CCDC85A: variants seen among roughly 807,000 people sequenced by gnomAD.
The protein encoded by CCDC85A is coiled-coil domain containing 85A, also known as coiled-coil domain-containing protein 85A.
In CCDC85A, 38 loss-of-function variants were observed where a neutral mutation model predicts 50.2. The ratio of observed to expected loss-of-function variants is 0.76; its 90% CI spans 0.58 to 0.99. The LOEUF is 0.99. Among genes scored for constraint, CCDC85A ranks in the 50% least tolerant of loss-of-function variants. The pLI is 0.00. For synonymous variants in CCDC85A, 366 were observed against 301.4 expected (o/e 1.21, Z -2.22); for missense variants, 820 against 742.0 (o/e 1.11, Z -1.22).
At chr2:56,264,980 G>T (rs888679474) in intron 2 of CCDC85A, among the ~76,000 whole-genome samples, 6 of 152,118 alleles carry the variant, frequency 3.9e-5, no homozygotes, top group Admixed American at 1.3e-4. Context: ...GACCTACTTG[G>T]ACTTGCCTGT....
chr2:56,240,438 T>A (rs1440094623), intron 2 of CCDC85A, among the ~76,000 whole-genome samples: 1 of 152,200 alleles, frequency 6.6e-6, no homozygotes, highest in Non-Finnish European at 1.5e-5. Context: ...AGTGTACTTT[T>A]GTTTCAGTAA....
chr2:56,281,744 T>A (rs527374479), intron 2 of CCDC85A, among the ~76,000 whole-genome samples: 1 of 152,314 alleles, frequency 6.6e-6, no homozygotes, highest in Non-Finnish European at 1.5e-5. Flanking sequence ...CTTTTTTGAT[T>A]AGCTGTTTAT....
chr2:56,194,831 A>T (rs1183981808), intron 2 of CCDC85A, among the ~76,000 whole-genome samples: 1 of 151,498 alleles, frequency 6.6e-6, no homozygotes, highest in Non-Finnish European at 1.5e-5. Flanking sequence ...ACCTTCACTC[A>T]CTCTTCCCAA....
intron 2 of CCDC85A, among the ~76,000 whole-genome samples, chr2:56,238,952 T>G (rs568164889): frequency 6.6e-6 from 1 of 152,324 alleles, no homozygotes; most frequent in East Asian, 1.9e-4. Flanking sequence ...GTTATCCTTA[T>G]GAGATGGAGC....
At chr2:56,366,894 A>T (rs1410969173) in intron 3 of CCDC85A, among the ~76,000 whole-genome samples, 2 of 151,932 alleles carry the variant, frequency 1.3e-5, no homozygotes. Context: ...TTATGATTTA[A>T]TCTCTCTTTT....
At chr2:56,378,912 C>G (rs185965934) in intron 5 of CCDC85A, among the ~76,000 whole-genome samples, 3 of 152,158 alleles carry the variant, frequency 2.0e-5, no homozygotes, top group Non-Finnish European at 4.4e-5. Context: ...TACTTCAACA[C>G]TTTGATTTAT....
At chr2:56,341,163 C>G (rs936278379) in intron 2 of CCDC85A, among the ~76,000 whole-genome samples, 1 of 152,136 alleles carries the variant, frequency 6.6e-6, no homozygotes, top group African/African-American at 2.4e-5. Context: ...AGGCATTCTT[C>G]CCTTAGCCGT....
chr2:56,305,346 C>A (rs994453650), intron 2 of CCDC85A, among the ~76,000 whole-genome samples: 1 of 152,158 alleles, frequency 6.6e-6, no homozygotes, highest in Non-Finnish European at 1.5e-5. Flanking sequence ...TTATTATCCC[C>A]ATTTTACTGA....
In CCDC85A at chr2:56,302,185, G is replaced by C. The variant is rs138827201; in HGVS notation, c.1241-40694G>C. 9.9e-3 allele frequency among the ~76,000 whole-genome samples: 1,501 copies of C among 152,230 alleles called. 14 individuals are homozygous for C. Among genetic ancestry groups the C allele is most frequent in the Non-Finnish European group, 0.016 (1,114 of 68,008 alleles). On this transcript the variant is annotated intron_variant, in intron 2 of 5. Coordinates refer to ENST00000407595, the MANE Select transcript of CCDC85A (RefSeq NM_001080433.2). ...GCAGGAGAATTACTTGAACCTGGGA[G>C]GCAGAGGTTGCAGTGAGCTGAGATC...
chr2:56,352,905 G>GA (rs1364396437), intron 3 of CCDC85A, among the ~76,000 whole-genome samples: 3 of 152,094 alleles, frequency 2.0e-5, no homozygotes, highest in Admixed American at 1.3e-4. Flanking sequence ...GTCTATAAAA[G>GA]AAAATTGTCA....
chr2:56,298,902 C>T (rs1287046041), intron 2 of CCDC85A, among the ~76,000 whole-genome samples: 1 of 152,108 alleles, frequency 6.6e-6, no homozygotes, highest in African/African-American at 2.4e-5. Flanking sequence ...GGCTGAGACA[C>T]ATAGTGGGCA....
At chr2:56,322,564 C>G (rs1673258184) in intron 2 of CCDC85A, among the ~76,000 whole-genome samples, 2 of 152,166 alleles carry the variant, frequency 1.3e-5, no homozygotes, top group Non-Finnish European at 2.9e-5. Context: ...CACGGGCCAT[C>G]AGAGAAATGC....
At chr2:56,262,269 G>T (rs1413001721) in intron 2 of CCDC85A, among the ~76,000 whole-genome samples, 3 of 151,818 alleles carry the variant, frequency 2.0e-5, no homozygotes, top group Admixed American at 6.6e-5. Flanking sequence ...ATTTATTATT[G>T]GTTTCAAATT....
chr2:56,250,138 A>C (rs59100796), intron 2 of CCDC85A, among the ~76,000 whole-genome samples: 1 of 152,172 alleles, frequency 6.6e-6, no homozygotes, highest in Admixed American at 6.5e-5. Flanking sequence ...GCATGGGAGG[A>C]GCATTTGGGT....
At chr2:56,243,995 GTCTC>G (rs745765583) in intron 2 of CCDC85A, among the ~76,000 whole-genome samples, 7 of 152,246 alleles carry the variant, frequency 4.6e-5, no homozygotes, top group South Asian at 2.1e-4. Context: ...AACAAATAGA[GTCTC>G]TCTCTCTTTC....
intron 5 of CCDC85A, among the ~76,000 whole-genome samples, chr2:56,380,638 A>T (rs1332127495): frequency 6.6e-6 from 1 of 151,914 alleles, no homozygotes; most frequent in Admixed American, 6.6e-5. Context: ...AAAAATAAAT[A>T]AATAAATAAA....
intron 3 of CCDC85A, among the ~76,000 whole-genome samples, chr2:56,366,398 C>G (rs931106342): frequency 3.9e-5 from 6 of 152,136 alleles, no homozygotes; most frequent in Non-Finnish European, 7.4e-5. Context: ...TCCCATCTCT[C>G]CATATTCTTG....
At chr2:56,342,481 A>G (rs916531132) in intron 2 of CCDC85A, among the ~76,000 whole-genome samples, 1 of 152,196 alleles carries the variant, frequency 6.6e-6, no homozygotes, top group African/African-American at 2.4e-5. Flanking sequence ...TGATTTTACT[A>G]ATTAATAATG....
At chr2:56,360,014 A>G (rs2104365964) in intron 3 of CCDC85A, among the ~76,000 whole-genome samples, 1 of 152,316 alleles carries the variant, frequency 6.6e-6, no homozygotes, top group Non-Finnish European at 1.5e-5. Flanking sequence ...ATCCTCACTT[A>G]CTTGTCTTTG....
Sources: gnomAD v4.1 joint callset for allele counts (sites outside exome capture counted in the v4.1 genomes callset) on GRCh38, gnomAD v4.1.1 for gene constraint, MANE v1.5 for transcripts, NCBI Gene and HGNC (gene_info 2026-07-23, HGNC 2026-07-21) for gene names.